Variants in CLRN1 observed in about 807,000 individuals in gnomAD.
The protein encoded by CLRN1 is clarin 1.
Under a neutral mutation model 18.7 loss-of-function variants are expected in CLRN1, and 15 were observed. The ratio of observed to expected loss-of-function variants is 0.80; its 90% confidence interval spans 0.54 to 1.23. CLRN1 has a LOEUF of 1.23. CLRN1 is among the 50% of genes most tolerant of loss of function. The pLI is 0.00. For missense variants in CLRN1, 311 were observed against 277.5 expected (o/e 1.12, Z -0.86); for synonymous variants, 104 against 102.9 (o/e 1.01, Z -0.07).
At chr3:150,955,139 C>T (rs925454843) in intron 1 of CLRN1, among the ~76,000 whole-genome samples, 1 of 152,154 alleles carries the variant, frequency 6.6e-6, no homozygotes, top group East Asian at 1.9e-4. Flanking sequence ...AAGTCAGACT[C>T]GAGAGGCTGC....
rs534751256 is a variant in CLRN1 at position 150,933,554 on chromosome 3, A to T, written c.434-5353T>A. Among the ~76,000 whole-genome samples, 45 of 152,264 alleles carry T rather than the reference A, an allele frequency of 3.0e-4. No homozygotes were observed. The South Asian group carries it at 8.7e-3, about 29-fold the overall frequency. ...AGTGAAGAGGGGAGGAAGGTAAGGG[A>T]TAGAAAGAGGTGAGCTGTCTGTGTG... On this transcript the variant is annotated intron_variant, in intron 2 of 2. Transcript: ENST00000327047.
intron 1 of CLRN1, among the ~76,000 whole-genome samples, chr3:150,970,133 A>G (rs1176997277): frequency 6.6e-6 from 1 of 152,202 alleles, no homozygotes; most frequent in Non-Finnish European, 1.5e-5. Context: ...AGCTCTCTGG[A>G]GGTCCCTGCT....
At position 150,927,355 on chromosome 3, in the gene CLRN1, A is replaced by C. The variant is rs766895310; in HGVS notation, c.*581T>G. On this transcript the variant is annotated 3_prime_UTR_variant, in exon 3 of 3. Coordinates refer to ENST00000327047, the MANE Select transcript of CLRN1 (RefSeq NM_174878.3). ...CCCAGGCTGTAACTCGAACTCCTGA[A>C]CTCAAATGATCTTCCCACCTTGGCC... 2.1e-5 allele frequency: 9 copies of C among 428,126 alleles called. No individual in the cohort carries two copies. The highest frequency in any genetic ancestry group is 1.6e-4 in the South Asian group (9 of 57,140). 26.5% of individuals were successfully genotyped at this position (428,126 alleles called of 1,614,324 possible).
chr3:150,926,502 G>A (rs758069366), downstream of CLRN1: 22 of 429,304 alleles, frequency 5.1e-5, no homozygotes, highest in Non-Finnish European at 7.8e-5. Context: ...CCCCTTTGTG[G>A]CTAGACTGAA....
Position 150,941,563 on chromosome 3 carries a change from G to A in CLRN1, c.433+19C>T. 2 of 1,612,826 alleles carry A rather than the reference G, an allele frequency of 1.2e-6. No homozygotes were observed. The highest frequency in any genetic ancestry group is 1.7e-6 in the Non-Finnish European group (2 of 1,178,942). On this transcript the variant is annotated intron_variant, in intron 2 of 2. Coordinates refer to ENST00000327047, the MANE Select transcript of CLRN1 (RefSeq NM_174878.3). ...ATTGAAAAGCACATTTGTCTTCAGA[G>A]GTAGAATTTTGTACTTACCTGAAAT...
intron 1 of CLRN1, among the ~76,000 whole-genome samples, chr3:150,957,668 G>A (rs1714815903): frequency 6.6e-6 from 1 of 151,978 alleles, no homozygotes; most frequent in Admixed American, 6.6e-5. Context: ...CTTTTTTAGG[G>A]GGTCGGTGGG....
intron 1 of CLRN1, among the ~76,000 whole-genome samples, chr3:150,955,045 T>A (rs758841389): frequency 1.3e-5 from 2 of 152,228 alleles, no homozygotes; most frequent in Non-Finnish European, 2.9e-5. Flanking sequence ...CCCATCCATG[T>A]GATGAAATAC....
chr3:150,969,331 T>A (rs1715423155), intron 1 of CLRN1, among the ~76,000 whole-genome samples: 3 of 110,370 alleles, frequency 2.7e-5, no homozygotes, highest in African/African-American at 1.1e-4. Context: ...TTTTTTTTTT[T>A]TTTTTTTTTT....
chr3:150,943,698 C>T, intron 1 of CLRN1: 1 of 1,526,896 alleles, frequency 6.5e-7, no homozygotes. Context: ...CAGAGGGCAG[C>T]CACCCTACAT....
At chr3:150,958,521 CCA>C (rs1714864544) in intron 1 of CLRN1, among the ~76,000 whole-genome samples, 1 of 152,224 alleles carries the variant, frequency 6.6e-6, no homozygotes, top group Admixed American at 6.5e-5. Context: ...GCCTTCCTCT[CCA>C]GTCTTACCTT....
chr3:150,935,995 TG>T (rs1157935188), intron 2 of CLRN1, among the ~76,000 whole-genome samples: 1 of 152,074 alleles, frequency 6.6e-6, no homozygotes, highest in Non-Finnish European at 1.5e-5. Context: ...TGGGGTTGTT[TG>T]TTTTTTTCTT....
intron 1 of CLRN1, among the ~76,000 whole-genome samples, chr3:150,954,230 T>C (rs1367530527): frequency 1.3e-5 from 2 of 152,210 alleles, no homozygotes; most frequent in East Asian, 1.9e-4. Flanking sequence ...CCAAAGTGGC[T>C]GTACCATTCA....
intron 2 of CLRN1, among the ~76,000 whole-genome samples, chr3:150,933,900 A>T (rs186931292): frequency 8.5e-4 from 129 of 152,248 alleles, no homozygotes; most frequent in Non-Finnish European, 1.5e-3. Context: ...GCTGTCTAAC[A>T]TTACTTCTCT....
chr3:150,956,855 G>A (rs1179844927), intron 1 of CLRN1, among the ~76,000 whole-genome samples: 1 of 151,990 alleles, frequency 6.6e-6, no homozygotes, highest in Non-Finnish European at 1.5e-5. Context: ...CTATTCTTAA[G>A]GACCTATCAC....
At chr3:150,964,781 T>C (rs1163796101) in intron 1 of CLRN1, among the ~76,000 whole-genome samples, 1 of 152,188 alleles carries the variant, frequency 6.6e-6, no homozygotes. Flanking sequence ...ACCATCATTC[T>C]CAGCAAACTG....
intron 2 of CLRN1, among the ~76,000 whole-genome samples, chr3:150,930,747 A>G (rs1358789079): frequency 6.6e-6 from 1 of 152,176 alleles, no homozygotes; most frequent in East Asian, 1.9e-4. Flanking sequence ...GAAGTGAAAC[A>G]TTATTTCCTG....
chr3:150,953,019 G>A (rs1460867695), intron 1 of CLRN1, among the ~76,000 whole-genome samples: 1 of 152,062 alleles, frequency 6.6e-6, no homozygotes. Context: ...TCTGTTTTCT[G>A]ACCAACACTA....
Position 150,927,227 on chromosome 3 carries a change from T to G in CLRN1, c.*709A>C, listed in dbSNP as rs776462495. On this transcript the variant is annotated 3_prime_UTR_variant, in exon 3 of 3. Coordinates refer to ENST00000327047, the MANE Select transcript of CLRN1 (RefSeq NM_174878.3). ...TTTTCTTCTTTTAGAGTTTGCAGATTTTGACCAACAGACATGGTTAATAAG... is the reference window on the plus strand; with the variant it reads ...TTTTCTTCTTTTAGAGTTTGCAGATGTTGACCAACAGACATGGTTAATAAG... The G allele has an allele frequency of 1.1e-4, 53 of 494,258 alleles. No individual in the cohort carries two copies. The highest frequency in any genetic ancestry group is 8.0e-4 in the South Asian group (52 of 64,878). The allele number at this position is 494,258 out of a possible 1,614,324, so 30.6% of individuals were successfully genotyped here.
At chr3:150,930,698 A>T (rs936562338) in intron 2 of CLRN1, among the ~76,000 whole-genome samples, 1 of 152,168 alleles carries the variant, frequency 6.6e-6, no homozygotes, top group Non-Finnish European at 1.5e-5. Context: ...TTTTACCATA[A>T]GAGCCTTCTT....
Sources: gnomAD v4.1 joint callset for allele counts (sites outside exome capture counted in the v4.1 genomes callset) on GRCh38, gnomAD v4.1.1 for gene constraint, MANE v1.5 for transcripts, NCBI Gene and HGNC (gene_info 2026-07-23, HGNC 2026-07-21) for gene names.